Variants in DACH1 observed in about 807,000 individuals in gnomAD.
DACH1 encodes the protein dachshund homolog 1.
In DACH1, 12 loss-of-function variants were observed where a neutral mutation model predicts 54.2. The ratio of observed to expected loss-of-function variants is 0.22; its 90% CI spans 0.14 to 0.36. The LOEUF (loss-of-function observed/expected upper bound fraction) is 0.36, where lower values mean the gene tolerates loss of function less well. DACH1 is among the 10% of genes least tolerant of loss of function. The pLI, the probability that DACH1 is intolerant of heterozygous loss-of-function variation, is 1.00. For missense variants in DACH1, 805 were observed against 929.8 expected (o/e 0.87, Z 1.75); for synonymous variants, 386 against 366.2 (o/e 1.05, Z -0.62).
At chr13:71,749,770 C>T (rs1301604945) in intron 1 of DACH1, among the ~76,000 whole-genome samples, 9 of 152,116 alleles carry the variant, frequency 5.9e-5, no homozygotes, top group Admixed American at 5.9e-4. Context: ...CTAAGGAACA[C>T]GAGTTCCGTA....
chr13:71,812,808 G>A (rs1231991568), intron 1 of DACH1, among the ~76,000 whole-genome samples: 2 of 152,086 alleles, frequency 1.3e-5, no homozygotes, highest in Non-Finnish European at 2.9e-5. Flanking sequence ...TGACCCCCAT[G>A]ACCAAATTTA....
At chr13:71,498,465 A>G (rs1879629727) in intron 6 of DACH1, among the ~76,000 whole-genome samples, 1 of 152,304 alleles carries the variant, frequency 6.6e-6, no homozygotes, top group East Asian at 1.9e-4. Flanking sequence ...AAACCACTCT[A>G]TTGATTACGA....
At chr13:71,499,684 A>C (rs910220239) in intron 6 of DACH1, among the ~76,000 whole-genome samples, 1 of 152,170 alleles carries the variant, frequency 6.6e-6, no homozygotes, top group African/African-American at 2.4e-5. Context: ...TCGTTTTATA[A>C]GGCCCAAAGA....
intron 1 of DACH1, among the ~76,000 whole-genome samples, chr13:71,775,175 C>T (rs1220358312): frequency 8.4e-6 from 1 of 119,096 alleles, no homozygotes; most frequent in Non-Finnish European, 1.6e-5. Context: ...GCTAGGTGCT[C>T]GCCTGTAATC....
chr13:71,578,283 G>T (rs966017223), intron 3 of DACH1, among the ~76,000 whole-genome samples: 4 of 152,050 alleles, frequency 2.6e-5, no homozygotes, highest in Admixed American at 6.6e-5. Context: ...TGAAAATGAC[G>T]GCAAGAGCAG....
At position 71,681,797 on chromosome 13, in the gene DACH1, G is replaced by C; in HGVS notation, c.962C>G (p.Thr321Arg). 16 of 1,612,304 alleles carry C rather than the reference G, an allele frequency of 9.9e-6. No individual in the cohort carries two copies. The highest frequency in any genetic ancestry group is 1.4e-5 in the Non-Finnish European group (16 of 1,178,710). Residue 321 changes from threonine (T) to arginine (R), a missense_variant and splice_region_variant, in exon 2 of 11, where the codon ACA becomes AGA. Thr to Arg is a moderately conservative substitution (Grantham distance 71). Around this residue, in one of 3 missense-constraint regions of DACH1, gnomAD observed 472 missense variants for 545.3 expected, o/e 0.87. Transcript: ENST00000613252. Reference sequence around the variant, plus strand: ...GCATAAGTGAGTAGCAGTCTTACCTGTTGGTGGAATTATCCCAGGAGACAT... The same window carrying C: ...GCATAAGTGAGTAGCAGTCTTACCTCTTGGTGGAATTATCCCAGGAGACAT... ...GLMSPGIIPP[T>R]GLTAAAAAAA...
intron 6 of DACH1, among the ~76,000 whole-genome samples, chr13:71,554,272 C>T (rs1884095748): frequency 6.6e-6 from 1 of 151,986 alleles, no homozygotes; most frequent in African/African-American, 2.4e-5. Context: ...TAACAAAACG[C>T]TTACTAGAAT....
chr13:71,596,335 T>C (rs1874095587), intron 3 of DACH1, among the ~76,000 whole-genome samples: 1 of 152,106 alleles, frequency 6.6e-6, no homozygotes, highest in South Asian at 2.1e-4. Context: ...CTCCAAATAC[T>C]GGAAAATACA....
At chr13:71,607,729 A>T (rs1874979375) in intron 3 of DACH1, among the ~76,000 whole-genome samples, 1 of 152,096 alleles carries the variant, frequency 6.6e-6, no homozygotes, top group African/African-American at 2.4e-5. Context: ...GATTATCATG[A>T]GCAACAGCAC....
chr13:71,835,649 G>C (rs1311153687), intron 1 of DACH1, among the ~76,000 whole-genome samples: 1 of 151,994 alleles, frequency 6.6e-6, no homozygotes, highest in East Asian at 1.9e-4. Context: ...GATAGTCCTA[G>C]TTTATACCTA....
chr13:71,527,702 A>T (rs142029596), intron 6 of DACH1, among the ~76,000 whole-genome samples: 1 of 152,178 alleles, frequency 6.6e-6, no homozygotes, highest in Non-Finnish European at 1.5e-5. Flanking sequence ...CAGCTGAGGA[A>T]CATTTGGTCT....
Position 71,681,863 on chromosome 13 carries a change from G to C in DACH1, c.896C>G (p.Pro299Arg). The C allele has an allele frequency of 6.2e-7, 1 of 1,613,896 alleles. No individual in the cohort carries two copies. ...PPKRTQSVTSPENSHIMPHSV... is the reference protein window; with the variant it reads ...PPKRTQSVTSRENSHIMPHSV... ...ATGCGGCATGATGTGAGAGTTCTCT[G>C]GGGAGGTGACACTTTGAGTCCTCTT... is the stretch of plus-strand genomic sequence containing the variant. Residue 299 changes from proline to arginine, a missense_variant, in exon 2 of 11, where the codon CCA becomes CGA. Pro to Arg is a moderately radical substitution (Grantham distance 103). This residue lies in a region of DACH1 where 472 missense variants were observed against 545.3 expected (regional missense o/e 0.87). Transcript: ENST00000613252.
chr13:71,450,155 G>A (rs1269722727), intron 10 of DACH1, among the ~76,000 whole-genome samples: 9 of 145,926 alleles, frequency 6.2e-5, no homozygotes. Context: ...TCATTTTATT[G>A]TGGGACACAG....
chr13:71,443,478 G>A (rs60864774), intron 10 of DACH1, among the ~76,000 whole-genome samples: 4,359 of 152,030 alleles, frequency 0.029, 224 homozygotes, highest in African/African-American at 0.098. Flanking sequence ...AATACCCTTA[G>A]CTTTTCAGTT....
chr13:71,775,335 T>A (rs978305945), intron 1 of DACH1, among the ~76,000 whole-genome samples: 4 of 151,628 alleles, frequency 2.6e-5, no homozygotes, highest in Non-Finnish European at 5.9e-5. Context: ...ATTGACAAAC[T>A]GAAGAAGACA....
chr13:71,483,224 A>G (rs1316128555), intron 7 of DACH1, among the ~76,000 whole-genome samples: 1 of 151,698 alleles, frequency 6.6e-6, no homozygotes, highest in East Asian at 1.9e-4. Flanking sequence ...CTCATAATAT[A>G]TAATTACGAT....
intron 6 of DACH1, among the ~76,000 whole-genome samples, chr13:71,552,828 TATATATATATATATAGAG>T (rs1318897228): frequency 1.6e-3 from 74 of 46,124 alleles, no homozygotes; most frequent in East Asian, 0.01. Context: ...TATATATATA[TATATATATATATATAGAG>T]AGAGAGAGAG....
intron 2 of DACH1, among the ~76,000 whole-genome samples, chr13:71,647,235 A>G (rs965321897): frequency 1.3e-5 from 2 of 152,228 alleles, no homozygotes; most frequent in Non-Finnish European, 2.9e-5. Flanking sequence ...ATGAGCTGTG[A>G]AGCTGGAAGG....
At chr13:71,721,077 A>G (rs1284648605) in intron 1 of DACH1, among the ~76,000 whole-genome samples, 2 of 152,216 alleles carry the variant, frequency 1.3e-5, no homozygotes, top group African/African-American at 4.8e-5. Context: ...TATTTAAGAA[A>G]CAAAGCCAAC....
Sources: gnomAD v4.1 joint callset for allele counts (sites outside exome capture counted in the v4.1 genomes callset) on GRCh38, gnomAD v4.1.1 for gene constraint, gnomAD v4.1.1 regional missense constraint, MANE v1.5 for transcripts, NCBI Gene and HGNC (gene_info 2026-07-23, HGNC 2026-07-21) for gene names.